The following NOD2 variants were observed in gnomAD, a reference collection of about 807,000 sequenced individuals.
The protein encoded by NOD2 is nucleotide binding oligomerization domain containing 2, also known as nucleotide-binding oligomerization domain-containing protein 2.
NOD2 carries 86 observed loss-of-function variants against 90.9 expected under a neutral mutation model. That is an observed-to-expected ratio of 0.95 (90% CI 0.79 to 1.13). NOD2 has a LOEUF of 1.13. NOD2 is among the 50% of genes most tolerant of loss of function. The probability of loss-of-function intolerance (pLI) is 0.00; values close to 1 mark genes in which losing one functional copy is unlikely to be tolerated. For synonymous variants in NOD2, 581 were observed against 554.6 expected (o/e 1.05, Z -0.67); for missense variants, 1,238 against 1,283.8 (o/e 0.96, Z 0.55).
intron 4 of NOD2, chr16:50,713,226 G>A (rs1452369913): frequency 6.6e-6 from 1 of 152,212 alleles, no homozygotes; most frequent in African/African-American, 2.4e-5. Context: ...GAAAGCAGAA[G>A]TTCTAGATTG....
intron 1 of NOD2, among the ~76,000 whole-genome samples, chr16:50,698,687 T>C (rs1160888967): frequency 6.6e-6 from 1 of 152,212 alleles, no homozygotes; most frequent in Non-Finnish European, 1.5e-5. Context: ...GGTGCCTCAG[T>C]GTCTTCCTCT....
At chr16:50,729,971 G>A (rs1965398913) in intron 11 of NOD2, 70 bp downstream of exon 11, 7 of 1,155,370 alleles carry the variant, frequency 6.1e-6, no homozygotes, top group African/African-American at 3.0e-5. Context: ...ATGGGGTGAC[G>A]GGAGAGAGGA....
At chr16:50,722,874 G>T (rs1965123388) in intron 8 of NOD2, among the ~76,000 whole-genome samples, 169 bp downstream of exon 8, 1 of 152,124 alleles carries the variant, frequency 6.6e-6, no homozygotes, top group African/African-American at 2.4e-5. Context: ...GAGTCTTTCT[G>T]GGTGACTTGG....
In NOD2 at chr16:50,719,991, C is replaced by A; in HGVS notation, c.2616C>A (p.Thr872=). 6.2e-7 allele frequency: 1 copy of A among 1,614,176 alleles called. No individual in the cohort carries two copies. Among genetic ancestry groups the A allele is most frequent in the Non-Finnish European group, 8.5e-7 (1 of 1,180,006 alleles). ...QVLAEGLRGN[T]SLQFLGFWGN... ...TGGCCGAGGGGCTCCGAGGCAACAC[C>A]TCCTTGCAGTTCCTGGGGTAGGTTG... The change falls in exon 7 of 12, where the codon ACC becomes ACA. Residue 872 remains threonine (T), a synonymous_variant. Coordinates refer to ENST00000647318, the MANE Select transcript of NOD2 (RefSeq NM_001370466.1).
At chr16:50,724,403 A>G (rs1323723632) in intron 9 of NOD2, among the ~76,000 whole-genome samples, 1 of 152,240 alleles carries the variant, frequency 6.6e-6, no homozygotes, top group Non-Finnish European at 1.5e-5. Context: ...AATTAAATTT[A>G]GCAGAACTGG....
At chr16:50,707,780 G>T (rs1240311127) in intron 2 of NOD2, 75 bp from the exon 3 acceptor site, 8 of 967,258 alleles carry the variant, frequency 8.3e-6, no homozygotes, top group African/African-American at 1.6e-5. Context: ...TTATGAAGTT[G>T]CAGTAATCAG....
In NOD2 at chr16:50,711,825, A is replaced by G. The variant is rs759472437; in HGVS notation, c.1833A>G (p.Ser611=). 5 of 1,613,770 alleles carry G rather than the reference A, an allele frequency of 3.1e-6. No homozygotes were observed. In the South Asian group the frequency reaches 5.5e-5, roughly 18 times the overall value. ...TCAATTGTGGCAGGCCAGGCAACTC[A>G]CCAATGGCCAGGCTCCTGCCCACGA... ...HLFNCGRPGN[S]PMARLLPTMC... is the part of the protein sequence containing the mutation. The change falls in exon 4 of 12, where the codon TCA becomes TCG. Residue 611 remains serine (S), a synonymous_variant. Coordinates refer to ENST00000647318, the MANE Select transcript of NOD2 (RefSeq NM_001370466.1).
chr16:50,693,632 G>C lies in NOD2; in HGVS notation c.-39G>C, dbSNP rs570075610. On this transcript the variant is annotated 5_prime_UTR_variant, in exon 1 of 12. Transcript: ENST00000647318. ...GAGCCGGGAGTCGTGGCCCGGAGTGGGCCTTGGAGTCGGCGCGCAGGCGGC... is the reference window on the plus strand; with the variant it reads ...GAGCCGGGAGTCGTGGCCCGGAGTGCGCCTTGGAGTCGGCGCGCAGGCGGC... 8.2e-4 allele frequency: 125 copies of C among 152,724 alleles called. No homozygotes were observed. The highest frequency in any genetic ancestry group is 2.8e-3 in the African/African-American group (115 of 41,540). The allele number at this position is 152,724 out of a possible 1,614,324, so 9.5% of individuals were successfully genotyped here.
chr16:50,720,189 A>G (rs1298333380), intron 7 of NOD2, among the ~76,000 whole-genome samples, 181 bp downstream of exon 7: 2 of 152,148 alleles, frequency 1.3e-5, no homozygotes, highest in African/African-American at 4.8e-5. Flanking sequence ...TCTATGCCTG[A>G]CAAACAGGAA....
In NOD2 at chr16:50,725,566, T is replaced by A; in HGVS notation, c.2879T>A (p.Ile960Asn). 6.2e-7 allele frequency: 1 copy of A among 1,613,006 alleles called. No individual in the cohort carries two copies. The highest frequency in any genetic ancestry group is 8.5e-7 in the Non-Finnish European group (1 of 1,178,968). ...EGLKKNSSLK[I>N]LKLSNNCITY... The stretch of plus-strand genomic sequence containing the variant: ...CTGAAGAAAAATTCAAGTTTGAAAA[T>A]CCTGAAGTAAGGAACCCATAAGCAG... Residue 960 changes from isoleucine to asparagine, a missense_variant, in exon 10 of 12, where the codon ATC (isoleucine) becomes AAC (asparagine). Transcript: ENST00000647318.
chr16:50,717,008 A>G, intron 6 of NOD2, 34 bp downstream of exon 6: 1 of 1,601,664 alleles, frequency 6.2e-7, no homozygotes, highest in Non-Finnish European at 8.6e-7. Flanking sequence ...CCTGGAAACT[A>G]TTTTTTGCCC....
intron 2 of NOD2, among the ~76,000 whole-genome samples, chr16:50,704,247 T>C (rs1964077084): frequency 6.6e-6 from 1 of 152,194 alleles, no homozygotes; most frequent in African/African-American, 2.4e-5. Flanking sequence ...ACCTGAGATT[T>C]CCCTACATGG....
intron 1 of NOD2, chr16:50,696,613 C>T (rs148377539): frequency 2.6e-5 from 4 of 152,716 alleles, no homozygotes; most frequent in African/African-American, 9.6e-5. Context: ...GATTAACTTC[C>T]CAAGCTGGTG....
intron 6 of NOD2, among the ~76,000 whole-genome samples, chr16:50,717,667 G>A (rs1567399874): frequency 6.6e-6 from 1 of 152,138 alleles, no homozygotes; most frequent in African/African-American, 2.4e-5. Context: ...TTAAAATGGC[G>A]GGCCACATAG....
intron 9 of NOD2, among the ~76,000 whole-genome samples, chr16:50,723,993 G>A (rs1489573649): frequency 5.3e-5 from 8 of 152,146 alleles, no homozygotes; most frequent in Non-Finnish European, 1.2e-4. Flanking sequence ...GGGTATTCAA[G>A]TCTTAGGTCA....
At chr16:50,717,294 C>T (rs1406922284) in intron 6 of NOD2, among the ~76,000 whole-genome samples, 3 of 152,200 alleles carry the variant, frequency 2.0e-5, no homozygotes, top group Non-Finnish European at 2.9e-5. Context: ...ATGTTGAGCT[C>T]GTCCTGGTGG....
rs777671067 is a variant in NOD2, at chr16:50,719,874, C to G, written c.2550-51C>G. ...CCTGGCCAGGGCACAGACGGCCCTC[C>G]TTTTCTGCCTGCCGCTGTGTTCTCT... On this transcript the variant is annotated intron_variant, in intron 6 of 11. Coordinates refer to ENST00000647318, the MANE Select transcript of NOD2 (RefSeq NM_001370466.1). The G allele has an allele frequency of 3.3e-5, 51 of 1,556,210 alleles. No individual in the cohort carries two copies. The East Asian group carries it at 1.1e-3, about 33-fold the overall frequency.
chr16:50,708,715 G>A (rs1036361235), intron 3 of NOD2, among the ~76,000 whole-genome samples: 24 of 152,072 alleles, frequency 1.6e-4, no homozygotes, highest in African/African-American at 5.5e-4. Context: ...AAGCTCATTG[G>A]CACTGAAGCC....
In NOD2 at chr16:50,732,319, T is replaced by A; in HGVS notation, c.*500T>A. 2.1e-5 allele frequency: 4 copies of A among 187,368 alleles called. No individual in the cohort carries two copies. Among genetic ancestry groups the A allele is most frequent in the Admixed American group, 1.1e-4 (2 of 18,812 alleles). 11.6% of individuals were successfully genotyped at this position (187,368 alleles called of 1,614,324 possible). On this transcript the variant is annotated 3_prime_UTR_variant, in exon 12 of 12. Transcript: ENST00000647318. ...CAGGCCATTCCCCGTCTCTGGTTCC[T>A]CCCCTCCTCCTGGACTCCTGCACAC...
Sources: gnomAD v4.1 joint callset for allele counts (sites outside exome capture counted in the v4.1 genomes callset) on GRCh38, gnomAD v4.1.1 for gene constraint, MANE v1.5 for transcripts, NCBI Gene and HGNC (gene_info 2026-07-23, HGNC 2026-07-21) for gene names.